The following FBXL17 variants were observed in gnomAD, a reference collection of about 807,000 sequenced individuals.
The protein encoded by FBXL17 is F-box/LRR-repeat protein 17.
Under a neutral mutation model 66.2 loss-of-function variants are expected in FBXL17, and 22 were observed. The ratio of observed to expected loss-of-function variants is 0.33; its 90% CI spans 0.24 to 0.47. FBXL17 has a LOEUF of 0.47. FBXL17 is among the 20% of genes least tolerant of loss of function. FBXL17 has a pLI of 1.00. For missense variants in FBXL17, 878 were observed against 948.2 expected (o/e 0.93, Z 0.97); for synonymous variants, 474 against 400.5 (o/e 1.18, Z -2.19).
intron 4 of FBXL17, among the ~76,000 whole-genome samples, chr5:108,273,230 C>T (rs1757348029): frequency 6.6e-6 from 1 of 152,006 alleles, no homozygotes; most frequent in African/African-American, 2.4e-5. Flanking sequence ...AGGAGATATA[C>T]CTAATGCTAA....
chr5:108,353,676 C>A (rs936669111), intron 3 of FBXL17, among the ~76,000 whole-genome samples: 1 of 152,106 alleles, frequency 6.6e-6, no homozygotes, highest in African/African-American at 2.4e-5. Flanking sequence ...ATATTGAACT[C>A]CAGCCAGTTC....
rs549840338 is a variant in FBXL17, at chr5:107,859,390, G to GTTTTTTTTTTTTTTTTTTTTTTTTTTTTT, written c.*2329_*2330insAAAAAAAAAAAAAAAAAAAAAAAAAAAAA. The GTTTTTTTTTTTTTTTTTTTTTTTTTTTTT allele has an allele frequency of 8.3e-5, 5 of 60,178 alleles. 1 individual carries two copies. Among genetic ancestry groups the GTTTTTTTTTTTTTTTTTTTTTTTTTTTTT allele is most frequent in the African/African-American group, 3.5e-4 (5 of 14,476 alleles). The allele number at this position is 60,178 out of a possible 1,614,324, so 3.7% of individuals were successfully genotyped here. On this transcript the variant is annotated 3_prime_UTR_variant, in exon 9 of 9. Coordinates refer to ENST00000542267, the MANE Select transcript of FBXL17 (RefSeq NM_001163315.3). ...CTCAAGGTGATGCTTTTTTCTGGCTGTTTTTTTTTTTTTTTTTTTTTTTTT... is the reference window on the plus strand; with the variant it reads ...CTCAAGGTGATGCTTTTTTCTGGCTGTTTTTTTTTTTTTTTTTTTTTTTTTTTTTTTTTTTTTTTTTTTTTTTTTTTTTT...
intron 8 of FBXL17, among the ~76,000 whole-genome samples, chr5:107,862,427 T>C (rs576042874): frequency 6.6e-6 from 1 of 152,166 alleles, no homozygotes; most frequent in Non-Finnish European, 1.5e-5. Flanking sequence ...ATGGCCCCAA[T>C]AGACCTTAAC....
At chr5:108,185,003 C>G (rs1417346246) in intron 6 of FBXL17, among the ~76,000 whole-genome samples, 2 of 152,094 alleles carry the variant, frequency 1.3e-5, no homozygotes, top group African/African-American at 4.8e-5. Context: ...GCTAGCGCTA[C>G]TCTGTTGTTT....
chr5:108,142,978 TATA>T (rs10623997), intron 6 of FBXL17, among the ~76,000 whole-genome samples: 38 of 145,098 alleles, frequency 2.6e-4, no homozygotes, highest in East Asian at 1.4e-3. Context: ...GAACATAAAG[TATA>T]ATAATAATAA....
chr5:108,177,544 T>C (rs961615458), intron 6 of FBXL17, among the ~76,000 whole-genome samples: 1 of 152,038 alleles, frequency 6.6e-6, no homozygotes, highest in African/African-American at 2.4e-5. Flanking sequence ...GCAGCACAAA[T>C]ACTAAACCCG....
intron 4 of FBXL17, among the ~76,000 whole-genome samples, chr5:108,276,860 A>G (rs1402975623): frequency 6.6e-6 from 1 of 152,164 alleles, no homozygotes; most frequent in Non-Finnish European, 1.5e-5. Context: ...AATGTCAGAA[A>G]CAGAAAATTT....
chr5:108,069,222 G>A (rs1561394878), intron 6 of FBXL17, among the ~76,000 whole-genome samples: 1 of 152,170 alleles, frequency 6.6e-6, no homozygotes, highest in African/African-American at 2.4e-5. Context: ...CTTGTCAACT[G>A]AAACCATAAT....
chr5:108,244,231 C>A (rs767647658), intron 4 of FBXL17, among the ~76,000 whole-genome samples: 1 of 152,008 alleles, frequency 6.6e-6, no homozygotes, highest in Non-Finnish European at 1.5e-5. Context: ...TTCTCATATC[C>A]TTTCTTAACT....
chr5:108,263,060 A>C (rs1756902587), intron 4 of FBXL17, among the ~76,000 whole-genome samples: 1 of 152,174 alleles, frequency 6.6e-6, no homozygotes, highest in African/African-American at 2.4e-5. Context: ...CTCAGTTCTC[A>C]TTACTCACTA....
At chr5:108,299,827 C>T in intron 4 of FBXL17, 1 of 984,870 alleles carries the variant, frequency 1.0e-6, no homozygotes, top group Non-Finnish European at 1.2e-6. Flanking sequence ...GACAAAATGT[C>T]AGTCGAGAAT....
intron 6 of FBXL17, among the ~76,000 whole-genome samples, chr5:108,109,873 A>C (rs144147249): frequency 6.6e-6 from 1 of 152,322 alleles, no homozygotes; most frequent in East Asian, 1.9e-4. Context: ...TTCAAACATC[A>C]AATTCATTCA....
intron 7 of FBXL17, among the ~76,000 whole-genome samples, chr5:107,953,402 C>CAAAAAAAA (rs1166788701): frequency 4.0e-5 from 2 of 50,614 alleles, no homozygotes; most frequent in African/African-American, 7.6e-5. Context: ...GACTCTCTCT[C>CAAAAAAAA]AAAAAAAAAA....
intron 6 of FBXL17, among the ~76,000 whole-genome samples, chr5:108,108,963 T>C (rs1427885032): frequency 6.6e-6 from 1 of 151,936 alleles, no homozygotes; most frequent in Non-Finnish European, 1.5e-5. Context: ...TCATATTTTT[T>C]AGTACAGATG....
Position 107,873,158 on chromosome 5 carries a change from A to G in FBXL17, c.1965+7879T>C, listed in dbSNP as rs147337342. 2.6e-5 allele frequency among the ~76,000 whole-genome samples: 4 copies of G among 152,396 alleles called. No individual in the cohort carries two copies. The East Asian group carries it at 7.7e-4, about 29-fold the overall frequency. On this transcript the variant is annotated intron_variant, in intron 8 of 8. Coordinates refer to ENST00000542267, the MANE Select transcript of FBXL17 (RefSeq NM_001163315.3). ...AATAGAATGGCAAGAAGAGAGGCTT[A>G]GAGGACCACAGCTGAAAGCTGATGT...
At chr5:108,052,113 A>AGG in intron 6 of FBXL17, among the ~76,000 whole-genome samples, 1 of 82,970 alleles carries the variant, frequency 1.2e-5, no homozygotes, top group Non-Finnish European at 2.4e-5. Context: ...ACTTCGTCTC[A>AGG]AAAAAAAAAA....
At chr5:108,220,054 T>C (rs1450839151) in intron 5 of FBXL17, among the ~76,000 whole-genome samples, 1 of 151,670 alleles carries the variant, frequency 6.6e-6, no homozygotes, top group Admixed American at 6.6e-5. Flanking sequence ...ATTTGTTTCA[T>C]TATTTTTATC....
At chr5:108,309,252 C>A (rs1295632014) in intron 4 of FBXL17, among the ~76,000 whole-genome samples, 1 of 151,854 alleles carries the variant, frequency 6.6e-6, no homozygotes, top group Non-Finnish European at 1.5e-5. Flanking sequence ...CAGAGCATAG[C>A]CATTTTTAAT....
At chr5:107,923,335 AT>A (rs1230884895) in intron 7 of FBXL17, among the ~76,000 whole-genome samples, 1 of 152,114 alleles carries the variant, frequency 6.6e-6, no homozygotes, top group Non-Finnish European at 1.5e-5. Flanking sequence ...GTGGCCTGTT[AT>A]GGCGTTTTCA....
Sources: gnomAD v4.1 joint callset for allele counts (sites outside exome capture counted in the v4.1 genomes callset) on GRCh38, gnomAD v4.1.1 for gene constraint, MANE v1.5 for transcripts, NCBI Gene and HGNC (gene_info 2026-07-23, HGNC 2026-07-21) for gene names.